CACNG3: variants seen among roughly 807,000 people sequenced by gnomAD.
CACNG3 encodes the protein calcium voltage-gated channel auxiliary subunit gamma 3.
CACNG3 carries 3 observed loss-of-function variants against 28.5 expected under a neutral mutation model. The ratio of observed to expected loss-of-function variants is 0.11; its 90% CI spans 0.05 to 0.27. The LOEUF is 0.27. Ranked by LOEUF, CACNG3 falls within the 10% of genes least tolerant of loss-of-function variation. The pLI, the probability that CACNG3 is intolerant of heterozygous loss-of-function variation, is 1.00. For synonymous variants in CACNG3, 174 were observed against 162.2 expected, an observed-to-expected ratio of 1.07 and a Z score of -0.55; for missense variants, 236 against 414.4, an observed-to-expected ratio of 0.57 and a Z score of 3.74.
At chr16:24,282,570 C>T (rs1341053524) in intron 1 of CACNG3, among the ~76,000 whole-genome samples, 1 of 152,104 alleles carries the variant, frequency 6.6e-6, no homozygotes, top group Non-Finnish European at 1.5e-5. Context: ...CCACCGTGCC[C>T]AGCCTCATTA....
intron 1 of CACNG3, among the ~76,000 whole-genome samples, chr16:24,334,446 T>G (rs1206664640): frequency 6.6e-6 from 1 of 152,162 alleles, no homozygotes; most frequent in African/African-American, 2.4e-5. Flanking sequence ...GATTCGTGGA[T>G]TCACAGCCAC....
chr16:24,340,298 T>C (rs1172114313), intron 1 of CACNG3, among the ~76,000 whole-genome samples: 1 of 152,114 alleles, frequency 6.6e-6, no homozygotes, highest in African/African-American at 2.4e-5. Context: ...TATAGGAGGC[T>C]GAGGTAGGAG....
intron 1 of CACNG3, among the ~76,000 whole-genome samples, chr16:24,329,657 G>T (rs1380950573): frequency 6.6e-6 from 1 of 152,076 alleles, no homozygotes; most frequent in African/African-American, 2.4e-5. Context: ...TCACATTAGG[G>T]TCAAAAATAA....
chr16:24,328,961 C>G (rs1326708447), intron 1 of CACNG3, among the ~76,000 whole-genome samples: 1 of 152,162 alleles, frequency 6.6e-6, no homozygotes, highest in Non-Finnish European at 1.5e-5. Context: ...AGACAGCCCC[C>G]GCCACACCCC....
chr16:24,294,269 T>C (rs1396213535), intron 1 of CACNG3, among the ~76,000 whole-genome samples: 2 of 152,202 alleles, frequency 1.3e-5, no homozygotes, highest in East Asian at 3.8e-4. Context: ...TCCCCTTGGC[T>C]TGGGAGTGAG....
At chr16:24,317,628 C>A (rs12919190) in intron 1 of CACNG3, among the ~76,000 whole-genome samples, 7,349 of 37,888 alleles carry the variant, frequency 0.19, 655 homozygotes, top group Admixed American at 0.24. Flanking sequence ...GAAAGAAAGA[C>A]AGACAGAAAG....
intron 1 of CACNG3, among the ~76,000 whole-genome samples, chr16:24,295,418 T>A (rs1175144516): frequency 6.6e-6 from 1 of 152,220 alleles, no homozygotes; most frequent in African/African-American, 2.4e-5. Flanking sequence ...GTGCAATTTC[T>A]GCCTACGTTG....
At chr16:24,279,635 T>G (rs531178722) in intron 1 of CACNG3, among the ~76,000 whole-genome samples, 1 of 152,164 alleles carries the variant, frequency 6.6e-6, no homozygotes, top group South Asian at 2.1e-4. Flanking sequence ...TTAAGAGACA[T>G]TAATGCAATA....
At chr16:24,333,387 T>A (rs1412641844) in intron 1 of CACNG3, 2 of 152,286 alleles carry the variant, frequency 1.3e-5, no homozygotes, top group South Asian at 2.1e-4. Context: ...TTTTTTTCTT[T>A]TATTTTATTC....
chr16:24,322,890 A>G (rs1899484122), intron 1 of CACNG3, among the ~76,000 whole-genome samples: 1 of 152,078 alleles, frequency 6.6e-6, no homozygotes, highest in Non-Finnish European at 1.5e-5. Flanking sequence ...TATTCACATA[A>G]CCAGCCTTGC....
At chr16:24,348,013 AGAGAT>A (rs746789331) in intron 2 of CACNG3, among the ~76,000 whole-genome samples, 4 of 152,322 alleles carry the variant, frequency 2.6e-5, no homozygotes, top group Admixed American at 6.5e-5. Context: ...AATTCACTGC[AGAGAT>A]GAGCCTTCCA....
chr16:24,263,175 A>G (rs1898557951), intron 1 of CACNG3, among the ~76,000 whole-genome samples: 1 of 152,246 alleles, frequency 6.6e-6, no homozygotes, highest in Non-Finnish European at 1.5e-5. Context: ...TTCATTCATT[A>G]GAGGAGATAA....
intron 1 of CACNG3, among the ~76,000 whole-genome samples, chr16:24,276,893 T>A (rs79838070): frequency 0.012 from 1,768 of 152,300 alleles, 39 homozygotes; most frequent in African/African-American, 0.041. Context: ...TTTGACCAAG[T>A]TTTTGGTGGA....
chr16:24,276,829 T>C (rs1398546497), intron 1 of CACNG3, among the ~76,000 whole-genome samples: 1 of 152,240 alleles, frequency 6.6e-6, no homozygotes, highest in East Asian at 1.9e-4. Flanking sequence ...AGTTGAGATC[T>C]GTGGTGATAT....
chr16:24,333,197 A>G (rs547945037), intron 1 of CACNG3, among the ~76,000 whole-genome samples: 1 of 152,156 alleles, frequency 6.6e-6, no homozygotes, highest in Non-Finnish European at 1.5e-5. Flanking sequence ...AAAATTATGC[A>G]TGCCCCAACC....
chr16:24,351,973 G>A (rs1274001643), intron 2 of CACNG3, among the ~76,000 whole-genome samples: 3 of 150,752 alleles, frequency 2.0e-5, no homozygotes, highest in Non-Finnish European at 4.4e-5. Flanking sequence ...CCACCACCAC[G>A]CCCGGCTAAT....
At chr16:24,294,684 A>G (rs1383280358) in intron 1 of CACNG3, among the ~76,000 whole-genome samples, 1 of 152,216 alleles carries the variant, frequency 6.6e-6, no homozygotes, top group Non-Finnish European at 1.5e-5. Flanking sequence ...TACAGGCATG[A>G]GCCACTGTAC....
intron 1 of CACNG3, among the ~76,000 whole-genome samples, chr16:24,267,098 C>T (rs2141345672): frequency 6.6e-6 from 1 of 151,610 alleles, no homozygotes; most frequent in Non-Finnish European, 1.5e-5. Flanking sequence ...TCCCGAGTAG[C>T]TGGGACTACA....
chr16:24,275,614 G>A (rs1898743440), intron 1 of CACNG3, among the ~76,000 whole-genome samples: 1 of 152,116 alleles, frequency 6.6e-6, no homozygotes, highest in African/African-American at 2.4e-5. Context: ...TTCAGGCTTG[G>A]GTATTTGGCA....
Sources: gnomAD v4.1 joint callset for allele counts (sites outside exome capture counted in the v4.1 genomes callset) on GRCh38, gnomAD v4.1.1 for gene constraint, MANE v1.5 for transcripts, NCBI Gene and HGNC (gene_info 2026-07-23, HGNC 2026-07-21) for gene names.